CDIN1: variants seen among roughly 807,000 people sequenced by gnomAD.
CDIN1 encodes CDAN1-interacting nuclease 1.
CDIN1 carries 33 observed loss-of-function variants against 45.3 expected under a neutral mutation model. The observed-to-expected ratio is 0.73, with a 90% CI of 0.55 to 0.97. The LOEUF (loss-of-function observed/expected upper bound fraction) is 0.97. CDIN1 is among the 50% of genes least tolerant of loss of function. The pLI is 0.00. For missense variants in CDIN1, 303 were observed against 339.4 expected, an observed-to-expected ratio of 0.89 and a Z score of 0.84; for synonymous variants, 118 against 124.4, an observed-to-expected ratio of 0.95 and a Z score of 0.34.
At chr15:36,791,516 C>A (rs2054645215) in intron 10 of CDIN1, among the ~76,000 whole-genome samples, 2 of 152,006 alleles carry the variant, frequency 1.3e-5, no homozygotes, top group African/African-American at 4.8e-5. Context: ...TACATAAAGG[C>A]CATAAATTCA....
chr15:36,599,867 G>T (rs962388145), intron 1 of CDIN1, among the ~76,000 whole-genome samples: 14 of 152,162 alleles, frequency 9.2e-5, no homozygotes, highest in African/African-American at 2.9e-4. Context: ...AGAGGGAAAA[G>T]AATTTGACAC....
At chr15:36,583,375 G>T (rs1211950111) in intron 1 of CDIN1, among the ~76,000 whole-genome samples, 1 of 151,896 alleles carries the variant, frequency 6.6e-6, no homozygotes, top group African/African-American at 2.4e-5. Context: ...TGACTTCTGG[G>T]GTAGCCTCAC....
At chr15:36,585,763 G>A (rs1436877117) in intron 1 of CDIN1, among the ~76,000 whole-genome samples, 3 of 152,052 alleles carry the variant, frequency 2.0e-5, no homozygotes, top group African/African-American at 7.2e-5. Context: ...AACTAAAGGT[G>A]TTTTATAATA....
At chr15:36,748,284 G>A (rs1274183035) in intron 10 of CDIN1, among the ~76,000 whole-genome samples, 1 of 152,242 alleles carries the variant, frequency 6.6e-6, no homozygotes, top group African/African-American at 2.4e-5. Flanking sequence ...TGTGTGCCAA[G>A]TTGAGGTAAA....
At chr15:36,643,616 A>G (rs1435455043) in intron 1 of CDIN1, among the ~76,000 whole-genome samples, 2 of 152,224 alleles carry the variant, frequency 1.3e-5, no homozygotes, top group East Asian at 3.8e-4. Context: ...CCCACTTGGG[A>G]AGAACATTTT....
At chr15:36,650,284 G>A (rs995588287) in intron 3 of CDIN1, among the ~76,000 whole-genome samples, 3 of 152,114 alleles carry the variant, frequency 2.0e-5, no homozygotes, top group South Asian at 2.1e-4. Flanking sequence ...ATAAAATGGC[G>A]TTAGTACAGT....
chr15:36,678,501 C>A (rs913670708), intron 5 of CDIN1, among the ~76,000 whole-genome samples: 3 of 152,182 alleles, frequency 2.0e-5, no homozygotes, highest in Non-Finnish European at 2.9e-5. Context: ...GTTTCCATAT[C>A]CATCCAGCTG....
intron 10 of CDIN1, among the ~76,000 whole-genome samples, chr15:36,786,890 G>T (rs998672179): frequency 2.0e-5 from 3 of 151,904 alleles, no homozygotes; most frequent in African/African-American, 7.3e-5. Flanking sequence ...CTTGACTTCT[G>T]TGATACCACT....
At chr15:36,640,437 C>T (rs572908845) in intron 1 of CDIN1, among the ~76,000 whole-genome samples, 10 of 152,208 alleles carry the variant, frequency 6.6e-5, no homozygotes, top group African/African-American at 2.4e-4. Flanking sequence ...TAGGAGTATC[C>T]TGCTTTATCT....
At chr15:36,699,508 A>G (rs2042557040) in intron 8 of CDIN1, among the ~76,000 whole-genome samples, 1 of 152,114 alleles carries the variant, frequency 6.6e-6, no homozygotes, top group Non-Finnish European at 1.5e-5. Flanking sequence ...ATCCTTTGCT[A>G]AGCTGAAGTA....
intron 10 of CDIN1, among the ~76,000 whole-genome samples, chr15:36,725,915 C>A (rs12595500): frequency 0.25 from 37,383 of 151,922 alleles, 4,925 homozygotes; most frequent in East Asian, 0.4. Flanking sequence ...GCTGTCTCCA[C>A]AGCTAATAAA....
At chr15:36,778,146 T>A (rs2054266193) in intron 10 of CDIN1, among the ~76,000 whole-genome samples, 2 of 152,116 alleles carry the variant, frequency 1.3e-5, no homozygotes, top group African/African-American at 4.8e-5. Context: ...AGACCTCTGT[T>A]TTTAGGGTTG....
At chr15:36,797,543 A>G (rs1286886379) in intron 10 of CDIN1, among the ~76,000 whole-genome samples, 3 of 152,034 alleles carry the variant, frequency 2.0e-5, no homozygotes, top group African/African-American at 7.2e-5. Context: ...GGTTTCTACC[A>G]CTCTTTAAAC....
intron 10 of CDIN1, among the ~76,000 whole-genome samples, chr15:36,724,845 T>C (rs554118524): frequency 6.6e-6 from 1 of 152,298 alleles, no homozygotes; most frequent in South Asian, 2.1e-4. Context: ...CTGAATCTGA[T>C]TATTCAGGGT....
intron 5 of CDIN1, among the ~76,000 whole-genome samples, chr15:36,688,593 C>A (rs1231420800): frequency 1.3e-5 from 2 of 152,112 alleles, no homozygotes; most frequent in Non-Finnish European, 2.9e-5. Context: ...AATGCCTCTA[C>A]CAAAGGTTGA....
At chr15:36,645,622 T>C (rs935614654) in intron 3 of CDIN1, among the ~76,000 whole-genome samples, 1 of 152,030 alleles carries the variant, frequency 6.6e-6, no homozygotes, top group Non-Finnish European at 1.5e-5. Flanking sequence ...TCTAAATGCA[T>C]ATGCTCATAT....
chr15:36,760,251 A>C (rs757128843), intron 10 of CDIN1, among the ~76,000 whole-genome samples: 1 of 152,192 alleles, frequency 6.6e-6, no homozygotes, highest in Non-Finnish European at 1.5e-5. Context: ...AAGACATGGA[A>C]AGTACAATAG....
intron 3 of CDIN1, among the ~76,000 whole-genome samples, chr15:36,646,359 G>T (rs1479168127): frequency 6.6e-6 from 1 of 152,102 alleles, no homozygotes; most frequent in African/African-American, 2.4e-5. Context: ...TGTGGTAAAA[G>T]ATATGCTTTG....
At chr15:36,599,011 T>C (rs2037973279) in intron 1 of CDIN1, among the ~76,000 whole-genome samples, 1 of 152,206 alleles carries the variant, frequency 6.6e-6, no homozygotes, top group Non-Finnish European at 1.5e-5. Flanking sequence ...TAGTGTTCTT[T>C]TATGCATTCA....
Sources: allele counts gnomAD v4.1 joint callset (sites outside exome capture counted in the v4.1 genomes callset), GRCh38; gene constraint gnomAD v4.1.1; transcripts MANE v1.5; gene names NCBI Gene and HGNC (gene_info 2026-07-23, HGNC 2026-07-21).